The following IL10 variants were observed in gnomAD, a reference collection of about 807,000 sequenced individuals.
IL10 encodes the protein interleukin-10.
A neutral mutation model predicts 21.0 loss-of-function variants in IL10; 7 were observed. That is an observed-to-expected ratio of 0.33 (90% CI 0.19 to 0.63). The LOEUF is 0.63. Among genes scored for constraint, IL10 ranks in the 20% least tolerant of loss-of-function variants. The pLI, the probability that IL10 is intolerant of heterozygous loss-of-function variation, is 0.77. For missense variants in IL10, 161 were observed against 213.0 expected, an observed-to-expected ratio of 0.76 and a Z score of 1.52; for synonymous variants, 83 against 79.7, an observed-to-expected ratio of 1.04 and a Z score of -0.22.
In IL10 at chr1:206,768,703, G is replaced by A. The variant is rs2102436732; in HGVS notation, c.470C>T (p.Ala157Val). The A allele has an allele frequency of 6.2e-7, 1 of 1,608,574 alleles. No homozygotes were observed. Among genetic ancestry groups the A allele is most frequent in the Non-Finnish European group, 8.5e-7 (1 of 1,174,974 alleles). Reference protein sequence around the residue: ...NKLQEKGIYKAMSEFDIFINY... With the variant: ...NKLQEKGIYKVMSEFDIFINY... ...GATGAAGATGTCAAACTCACTCATG[G>A]CTTTGTAGATGCCTTTCTCTTGGAG... The change falls in exon 5 of 5, where the codon GCC (alanine) becomes GTC (valine). Residue 157 changes from alanine to valine, a missense_variant. Coordinates refer to ENST00000423557, the MANE Select transcript of IL10 (RefSeq NM_000572.3).
intron 1 of IL10, 69 bp from the exon 2 acceptor site, chr1:206,771,484 G>T: frequency 1.6e-6 from 2 of 1,277,670 alleles, no homozygotes; most frequent in East Asian, 2.5e-5. Flanking sequence ...TCTTTTTGAT[G>T]CCCTTTCATT....
chr1:206,769,960 G>T, intron 3 of IL10, 66 bp from the exon 4 acceptor site: 1 of 1,340,136 alleles, frequency 7.5e-7, no homozygotes, highest in Non-Finnish European at 1.1e-6. Flanking sequence ...ACACTTAGGG[G>T]ACAAGCTGGT....
rs1674747542 is a variant in IL10 at position 206,769,151 on chromosome 1, C to T, written c.445-423G>A. Among the ~76,000 whole-genome samples the T allele has an allele frequency of 1.3e-5, 2 of 152,188 alleles. 1 individual carries two copies. Among genetic ancestry groups the T allele is most frequent in the South Asian group, 4.1e-4 (2 of 4,828 alleles). On this transcript the variant is annotated intron_variant, in intron 4 of 4. Transcript: ENST00000423557. Reference sequence around the variant, plus strand: ...GCAGGCCCTGCCCTGCCGCCCTGACCTACTATGAGAAATTCACACCCCCTG... The same window carrying T: ...GCAGGCCCTGCCCTGCCGCCCTGACTTACTATGAGAAATTCACACCCCCTG...
At chr1:206,769,230 G>A (rs1340973862) in intron 4 of IL10, among the ~76,000 whole-genome samples, 6 of 152,222 alleles carry the variant, frequency 3.9e-5, no homozygotes, top group Non-Finnish European at 7.3e-5. Flanking sequence ...GACATAGGCC[G>A]CACGGTTTCT....
rs1200270622 is a variant in IL10, at chr1:206,772,408, G to A, written c.28C>T (p.Leu10=). The A allele has an allele frequency of 2.5e-6, 4 of 1,614,222 alleles. No individual in the cohort carries two copies. The Admixed American group carries it at 5.0e-5, about 20-fold the overall frequency. Residue 10 remains leucine (L), a synonymous_variant, in exon 1 of 5, where the codon CTG becomes TTG. Coordinates refer to ENST00000423557, the MANE Select transcript of IL10 (RefSeq NM_000572.3). ...GCCCTCACCCCAGTCAGGAGGACCA[G>A]GCAACAGAGCAGTGCTGAGCTGTGC... MHSSALLCC[L]VLLTGVRASP... is the part of the protein sequence containing the mutation.
intron 1 of IL10, 108 bp downstream of exon 1, chr1:206,772,163 T>G: frequency 1.1e-6 from 1 of 938,970 alleles, no homozygotes; most frequent in Non-Finnish European, 1.7e-6. Context: ...GGAATAGGTG[T>G]TGGGGATGGA....
rs568879359 is a variant in IL10 at position 206,768,666 on chromosome 1, T to G, written c.507A>C (p.Glu169Asp). The G allele has an allele frequency of 1.4e-5, 23 of 1,608,174 alleles. No individual in the cohort carries two copies. The highest frequency in any genetic ancestry group is 6.7e-5 in the African/African-American group (5 of 74,906). The change falls in exon 5 of 5, where the codon GAA becomes GAC. Residue 169 changes from glutamate (E) to aspartate (D), a missense_variant. Glu to Asp is a conservative substitution (Grantham distance 45). Transcript: ENST00000423557. ...TTCGTATCTTCATTGTCATGTAGGC[T>G]TCTATGTAGTTGATGAAGATGTCAA... is the stretch of plus-strand genomic sequence containing the variant. The part of the protein sequence containing the change: ...SEFDIFINYI[E>D]AYMTMKIRN
In IL10 at chr1:206,769,858, C is replaced by T. The variant is rs1558602391; in HGVS notation, c.415G>A (p.Val139Met). The change falls in exon 4 of 5, where the codon GTG (valine) becomes ATG (methionine). Residue 139 changes from valine (V) to methionine (M), a missense_variant. Coordinates refer to ENST00000423557, the MANE Select transcript of IL10 (RefSeq NM_000572.3). The part of the protein sequence containing the change: ...FLPCENKSKA[V>M]EQVKNAFNKL... ...TTAAAGGCATTCTTCACCTGCTCCA[C>T]GGCCTTGCTCTTGTTTTCACAGGGA... 2.5e-6 allele frequency: 4 copies of T among 1,614,028 alleles called. No homozygotes were observed. The highest frequency in any genetic ancestry group is 2.5e-6 in the Non-Finnish European group (3 of 1,179,884).
chr1:206,772,450 G>T lies in IL10; in HGVS notation c.-15C>A, dbSNP rs759073564. The T allele has an allele frequency of 3.1e-6, 5 of 1,613,650 alleles. No homozygotes were observed. Among genetic ancestry groups the T allele is most frequent in the Non-Finnish European group, 4.2e-6 (5 of 1,179,992 alleles). ...GAGCTGTGCATGCCTTCTTTTGCAAGTCTGTCTTGTGGTTTGGTTTTGCAA... is the reference window on the plus strand; with the variant it reads ...GAGCTGTGCATGCCTTCTTTTGCAATTCTGTCTTGTGGTTTGGTTTTGCAA... On this transcript the variant is annotated 5_prime_UTR_variant, in exon 1 of 5. Transcript: ENST00000423557.
intron 4 of IL10, chr1:206,769,616 T>C (rs1343880888): frequency 1.6e-6 from 1 of 614,190 alleles, no homozygotes; most frequent in Non-Finnish European, 2.9e-6. Flanking sequence ...CGAGCAGTCA[T>C]TTAGAAACCC....
chr1:206,771,572 A>G (rs563404627), intron 1 of IL10, among the ~76,000 whole-genome samples, 157 bp from the exon 2 acceptor site: 2 of 152,316 alleles, frequency 1.3e-5, no homozygotes, highest in East Asian at 3.9e-4. Context: ...AGAGGATTCA[A>G]CAGTGATGGG....
intron 3 of IL10, 26 bp from the exon 4 acceptor site, chr1:206,769,920 G>C: frequency 6.2e-7 from 1 of 1,600,772 alleles, no homozygotes. Flanking sequence ...GAAAGTGTTG[G>C]TGATCCTGGC....
At position 206,770,925 on chromosome 1, in the gene IL10, C is replaced by T. The variant is rs776655495; in HGVS notation, c.360G>A (p.Arg120=). 6 of 1,614,166 alleles carry T rather than the reference C, an allele frequency of 3.7e-6. No individual in the cohort carries two copies. In the South Asian group the frequency reaches 6.6e-5, roughly 18 times the overall value. Residue 120 remains arginine (R), a synonymous_variant, in exon 3 of 5, where the codon AGG becomes AGA. Coordinates refer to ENST00000423557, the MANE Select transcript of IL10 (RefSeq NM_000572.3). ...NSLGENLKTL[R]LRLRRCHRFL... ...TACTTACACAGCGCCGTAGCCTCAGCCTGAGGGTCTTCAGGTTCTCCCCCA... is the reference window on the plus strand; with the variant it reads ...TACTTACACAGCGCCGTAGCCTCAGTCTGAGGGTCTTCAGGTTCTCCCCCA...
chr1:206,772,441 C>G lies in IL10; in HGVS notation c.-6G>C, dbSNP rs1447194640. ...AGCAGTGCTGAGCTGTGCATGCCTT[C>G]TTTTGCAAGTCTGTCTTGTGGTTTG... is the stretch of plus-strand genomic sequence containing the variant. On this transcript the variant is annotated 5_prime_UTR_variant, in exon 1 of 5. Coordinates refer to ENST00000423557, the MANE Select transcript of IL10 (RefSeq NM_000572.3). 3 of 1,613,796 alleles carry G rather than the reference C, an allele frequency of 1.9e-6. No homozygotes were observed. Among genetic ancestry groups the G allele is most frequent in the African/African-American group, 2.7e-5 (2 of 74,916 alleles).
chr1:206,768,824 G>T (rs568651896), intron 4 of IL10, 96 bp from the exon 5 acceptor site: 4 of 769,386 alleles, frequency 5.2e-6, no homozygotes, highest in Non-Finnish European at 9.3e-6. Context: ...GACCTTGAGT[G>T]CAGAGGTTGC....
In IL10 at chr1:206,772,417, G is replaced by T; in HGVS notation, c.19C>A (p.Leu7Ile). MHSSAL[L>I]CCLVLLTGVR... ...CCAGTCAGGAGGACCAGGCAACAGA[G>T]CAGTGCTGAGCTGTGCATGCCTTCT... Residue 7 changes from leucine (L) to isoleucine (I), a missense_variant, in exon 1 of 5, where the codon CTC becomes ATC. By Grantham distance (5) the Leu-to-Ile change is conservative (BLOSUM62 2). Transcript: ENST00000423557. 6.2e-7 allele frequency: 1 copy of T among 1,614,088 alleles called. No homozygotes were observed. The highest frequency in any genetic ancestry group is 8.5e-7 in the Non-Finnish European group (1 of 1,179,982).
chr1:206,770,026 G>A (rs1674776627), intron 3 of IL10, 132 bp from the exon 4 acceptor site: 2 of 728,866 alleles, frequency 2.7e-6, no homozygotes, highest in Non-Finnish European at 5.0e-6. Context: ...CTCCCAGAGA[G>A]AACTGAGCCC....
At chr1:206,771,824 G>A (rs1674853558) in intron 1 of IL10, among the ~76,000 whole-genome samples, 1 of 152,190 alleles carries the variant, frequency 6.6e-6, no homozygotes, top group African/African-American at 2.4e-5. Context: ...CAGGGATTAA[G>A]AAGCTCCTTC....
In IL10 at chr1:206,768,187, C is replaced by T. The variant is rs45534136; in HGVS notation, c.*449G>A. On this transcript the variant is annotated 3_prime_UTR_variant, in exon 5 of 5. Coordinates refer to ENST00000423557, the MANE Select transcript of IL10 (RefSeq NM_000572.3). ...TTTCTCTTCCTAAGAGTATTTGTAG[C>T]AGTTAGGAAGCCCCAAGCCCAGAGA... 2.6e-4 allele frequency: 64 copies of T among 242,256 alleles called. No individual in the cohort carries two copies. The highest frequency in any genetic ancestry group is 4.3e-4 in the Non-Finnish European group (53 of 124,392). 15.0% of individuals were successfully genotyped at this position (242,256 alleles called of 1,614,324 possible).
Sources: gnomAD v4.1 joint callset for allele counts (sites outside exome capture counted in the v4.1 genomes callset) on GRCh38, gnomAD v4.1.1 for gene constraint, MANE v1.5 for transcripts, NCBI Gene and HGNC (gene_info 2026-07-23, HGNC 2026-07-21) for gene names.